DIP2C: variants seen among roughly 807,000 people sequenced by gnomAD.
The protein encoded by DIP2C is disco-interacting protein 2 homolog C.
In DIP2C, 33 loss-of-function variants were observed where a neutral mutation model predicts 192.4. The observed-to-expected ratio is 0.17, with a 90% CI of 0.13 to 0.23. The LOEUF (loss-of-function observed/expected upper bound fraction) is 0.23. Ranked by LOEUF, DIP2C falls within the 10% of genes least tolerant of loss-of-function variation. DIP2C has a pLI of 1.00. For synonymous variants in DIP2C, 979 were observed against 864.1 expected (o/e 1.13, Z -2.33); for missense variants, 1,537 against 2,110.1 (o/e 0.73, Z 5.32).
chr10:566,843 C>T (rs944407575), intron 1 of DIP2C, among the ~76,000 whole-genome samples: 2 of 152,196 alleles, frequency 1.3e-5, no homozygotes, highest in South Asian at 2.1e-4. Context: ...GCACAGCTAG[C>T]GTGCCACAGA....
chr10:539,185 A>G (rs1181893448), intron 1 of DIP2C, among the ~76,000 whole-genome samples: 2 of 152,256 alleles, frequency 1.3e-5, no homozygotes, highest in Non-Finnish European at 2.9e-5. Flanking sequence ...AACCTTTCAT[A>G]GAGTGCTCAT....
chr10:575,272 G>C (rs758048387), intron 1 of DIP2C, among the ~76,000 whole-genome samples: 1 of 152,138 alleles, frequency 6.6e-6, no homozygotes, highest in African/African-American at 2.4e-5. Flanking sequence ...CACTGGTATC[G>C]CAAAATCCAG....
chr10:572,253 C>A (rs775044485), intron 1 of DIP2C, among the ~76,000 whole-genome samples: 1 of 152,228 alleles, frequency 6.6e-6, no homozygotes, highest in African/African-American at 2.4e-5. Context: ...TTTGCTAACA[C>A]GCCCCAAACA....
At chr10:510,566 T>G (rs536800218) in intron 1 of DIP2C, among the ~76,000 whole-genome samples, 15 of 152,338 alleles carry the variant, frequency 9.8e-5, no homozygotes, top group Middle Eastern at 3.4e-3. Context: ...ACAGTGAAAT[T>G]ACTGCAGGGT....
At chr10:310,611 G>C (rs1408735791) in intron 31 of DIP2C, among the ~76,000 whole-genome samples, 3 of 152,178 alleles carry the variant, frequency 2.0e-5, no homozygotes, top group Non-Finnish European at 4.4e-5. Context: ...CCTGAGGAGG[G>C]CATTTCCGGC....
At chr10:574,148 A>C (rs1003692657) in intron 1 of DIP2C, among the ~76,000 whole-genome samples, 1 of 152,262 alleles carries the variant, frequency 6.6e-6, no homozygotes, top group Non-Finnish European at 1.5e-5. Flanking sequence ...CAGTAAGTTT[A>C]AAGCTTTTTG....
In DIP2C at chr10:485,558, T is replaced by C. The variant is rs576275923; in HGVS notation, c.157+901A>G. 1.1e-3 allele frequency among the ~76,000 whole-genome samples: 163 copies of C among 152,278 alleles called. 1 individual carries two copies. Among genetic ancestry groups the C allele is most frequent in the Admixed American group, 2.5e-3 (38 of 15,302 alleles). ...AAACAAAACTACCAATAGCAGAATCTCCACACCGTTTCCTGCAGCCTGAGC... is the reference window on the plus strand; with the variant it reads ...AAACAAAACTACCAATAGCAGAATCCCCACACCGTTTCCTGCAGCCTGAGC... On this transcript the variant is annotated intron_variant, in intron 2 of 36. Coordinates refer to ENST00000280886, the MANE Select transcript of DIP2C (RefSeq NM_014974.3).
intron 1 of DIP2C, among the ~76,000 whole-genome samples, chr10:564,609 C>G (rs1382930221): frequency 2.0e-5 from 3 of 148,312 alleles, no homozygotes; most frequent in African/African-American, 7.7e-5. Context: ...TTTTGCCTGT[C>G]TCCTTTTGAC....
chr10:336,058 C>T (rs1957754275), intron 29 of DIP2C, among the ~76,000 whole-genome samples: 2 of 151,984 alleles, frequency 1.3e-5, no homozygotes, highest in African/African-American at 4.8e-5. Context: ...CCACTACACC[C>T]GGCTAACTAA....
At chr10:336,872 C>CACGTGTGTTGTAGAG (rs1957796893) in intron 29 of DIP2C, among the ~76,000 whole-genome samples, 1 of 139,526 alleles carries the variant, frequency 7.2e-6, no homozygotes, top group Non-Finnish European at 1.6e-5. Flanking sequence ...GGTGTGTGTG[C>CACGTGTGTTGTAGAG]GCGTGTTGTG....
intron 1 of DIP2C, among the ~76,000 whole-genome samples, chr10:609,915 T>C (rs553184830): frequency 6.6e-6 from 1 of 152,136 alleles, no homozygotes; most frequent in African/African-American, 2.4e-5. Context: ...TTCTTCCTAG[T>C]GGAAGCGAGG....
chr10:603,860 G>A (rs1026388148), intron 1 of DIP2C, among the ~76,000 whole-genome samples: 26 of 152,092 alleles, frequency 1.7e-4, no homozygotes, highest in African/African-American at 6.3e-4. Context: ...CCAAATCAGA[G>A]GCCACCATGC....
At chr10:638,341 G>C (rs866814107) in intron 1 of DIP2C, among the ~76,000 whole-genome samples, 1 of 152,160 alleles carries the variant, frequency 6.6e-6, no homozygotes, top group Non-Finnish European at 1.5e-5. Flanking sequence ...AAAAGAGCAC[G>C]CTCTATTTAG....
Position 363,095 on chromosome 10 carries a change from C to A in DIP2C, c.2592+102G>T. 1 of 1,027,584 alleles carries A rather than the reference C, an allele frequency of 9.7e-7. No homozygotes were observed. The highest frequency in any genetic ancestry group is 1.4e-6 in the Non-Finnish European group (1 of 700,682). 63.7% of individuals were successfully genotyped at this position (1,027,584 alleles called of 1,614,324 possible). ...AATGAAGGGAAGGGAAAAAGGGCCA[C>A]CCCATGGGCAAAGCAACAGCTGGTC... is the stretch of plus-strand genomic sequence containing the variant. On this transcript the variant is annotated intron_variant, in intron 21 of 36. Coordinates refer to ENST00000280886, the MANE Select transcript of DIP2C (RefSeq NM_014974.3). The surrounding 1 kb of genome is among the most constrained non-coding windows in gnomAD (Gnocchi z 5.4).
chr10:651,664 T>A lies in DIP2C; in HGVS notation c.85+37830A>T. The A allele has an allele frequency of 2.9e-6, 1 of 347,644 alleles. No homozygotes were observed. Among genetic ancestry groups the A allele is most frequent in the South Asian group, 2.3e-5 (1 of 44,396 alleles). The allele number at this position is 347,644 out of a possible 1,614,324, so 21.5% of individuals were successfully genotyped here. A position where few individuals can be genotyped will look rare whatever the true frequency, so the allele number is the denominator to read the frequency against. ...GAACATTTATTTGAGTGAATTCACGTCCCCCAAATTTTCCGTATCCCAAAA... is the reference window on the plus strand; with the variant it reads ...GAACATTTATTTGAGTGAATTCACGACCCCCAAATTTTCCGTATCCCAAAA... On this transcript the variant is annotated intron_variant, in intron 1 of 36. Transcript: ENST00000280886. This position sits in a 1 kb window ranked among gnomAD's most constrained non-coding sequence, Gnocchi z 4.1.
At chr10:345,631 G>A (rs77939775) in intron 26 of DIP2C, among the ~76,000 whole-genome samples, 16 of 104,752 alleles carry the variant, frequency 1.5e-4, no homozygotes, top group South Asian at 3.7e-4. Flanking sequence ...CAGACACATC[G>A]CGCATAGTTC....
chr10:386,224 G>A (rs567366449), intron 14 of DIP2C, among the ~76,000 whole-genome samples: 1 of 152,344 alleles, frequency 6.6e-6, no homozygotes, highest in African/African-American at 2.4e-5. Flanking sequence ...TGCGTCAAAC[G>A]TGTAGGTGGA....
At chr10:524,488 T>C (rs900150113) in intron 1 of DIP2C, among the ~76,000 whole-genome samples, 4 of 152,202 alleles carry the variant, frequency 2.6e-5, no homozygotes, top group Non-Finnish European at 5.9e-5. Context: ...TACTTTTATA[T>C]ACCTTACATA....
rs947084033 is a variant in DIP2C, at chr10:531,128, C to T, written c.86-44598G>A. On this transcript the variant is annotated intron_variant, in intron 1 of 36. Coordinates refer to ENST00000280886, the MANE Select transcript of DIP2C (RefSeq NM_014974.3). ...ATCTTTGGTCGTGACGCGCTGAGTC[C>T]ACCTCATTTCAAATGTTACGCTCGC... is the stretch of plus-strand genomic sequence containing the variant. 4.6e-5 allele frequency among the ~76,000 whole-genome samples: 7 copies of T among 152,078 alleles called. No individual in the cohort carries two copies. The East Asian group carries it at 1.2e-3, about 25-fold the overall frequency.
Sources: allele counts gnomAD v4.1 joint callset (sites outside exome capture counted in the v4.1 genomes callset), GRCh38; gene constraint gnomAD v4.1.1; non-coding constraint Gnocchi (gnomAD v3.1); transcripts MANE v1.5; gene names NCBI Gene and HGNC (gene_info 2026-07-23, HGNC 2026-07-21).